ZDHHC23: variants seen among roughly 807,000 people sequenced by gnomAD.
ZDHHC23 encodes palmitoyltransferase ZDHHC23.
A neutral mutation model predicts 40.2 loss-of-function variants in ZDHHC23; 41 were observed. The observed-to-expected ratio is 1.02, with a 90% CI of 0.79 to 1.32. The LOEUF (loss-of-function observed/expected upper bound fraction) is 1.32, where lower values mean the gene tolerates loss of function less well. Among genes scored for constraint, ZDHHC23 ranks in the 40% most tolerant of loss-of-function variants. The pLI, the probability that ZDHHC23 is intolerant of heterozygous loss-of-function variation, is 0.00. For missense variants in ZDHHC23, 471 were observed against 541.5 expected (o/e 0.87, Z 1.29); for synonymous variants, 204 against 210.2 (o/e 0.97, Z 0.26).
At chr3:113,950,531 T>A (rs954677158) in intron 2 of ZDHHC23, among the ~76,000 whole-genome samples, 4 of 152,058 alleles carry the variant, frequency 2.6e-5, no homozygotes, top group Admixed American at 2.6e-4. Flanking sequence ...CCTAATCACC[T>A]CCTTAAGGTC....
In ZDHHC23 at chr3:113,958,685, C is replaced by A; in HGVS notation, c.*55C>A. The A allele has an allele frequency of 1.9e-6, 3 of 1,593,760 alleles. No homozygotes were observed. The highest frequency in any genetic ancestry group is 2.5e-6 in the Non-Finnish European group (3 of 1,177,688). ...GATGGCTCCTCCTTCCGTCTCCCTT[C>A]CATTTTACACTTCAGTGTCCATTTC... On this transcript the variant is annotated 3_prime_UTR_variant, in exon 5 of 5. Coordinates refer to ENST00000638807, the MANE Select transcript of ZDHHC23 (RefSeq NM_001320466.2).
the ZDHHC23 span, among the ~76,000 whole-genome samples, chr3:113,973,541 C>T: frequency 6.6e-6 from 1 of 150,416 alleles, no homozygotes; most frequent in Non-Finnish European, 1.5e-5. Flanking sequence ...AAAACTTTCT[C>T]TATCCTTCAT....
chr3:113,953,831 T>A lies in ZDHHC23; in HGVS notation c.293T>A (p.Leu98Gln). 6.2e-7 allele frequency: 1 copy of A among 1,614,264 alleles called. No homozygotes were observed. Residue 98 changes from leucine to glutamine, a missense_variant, in exon 3 of 5, where the codon CTG becomes CAG. By Grantham distance (113) the Leu-to-Gln change is moderately radical. Coordinates refer to ENST00000638807, the MANE Select transcript of ZDHHC23 (RefSeq NM_001320466.2). ...VNISIIPPLV[L>Q]LPVFLHVASW... ...ATCAGCATCATCCCTCCGCTTGTCC[T>A]GCTGCCTGTCTTCCTTCATGTGGCT...
Position 113,954,061 on chromosome 3 carries a change from A to G in ZDHHC23, c.523A>G (p.Thr175Ala), listed in dbSNP as rs1171415351. 1 of 1,613,946 alleles carries G rather than the reference A, an allele frequency of 6.2e-7. No homozygotes were observed. Among genetic ancestry groups the G allele is most frequent in the Non-Finnish European group, 8.5e-7 (1 of 1,180,018 alleles). ...GGGTCCCGTTCAGCTGGCGGTTCTT[A>G]CCTGCGGGTTATTTCTGATACTCTT... is the stretch of plus-strand genomic sequence containing the variant. Reference protein sequence around the residue: ...RVGPVQLAVLTCGLFLILLAL... With the variant: ...RVGPVQLAVLACGLFLILLAL... The change falls in exon 3 of 5, where the codon ACC (threonine) becomes GCC (alanine). Residue 175 changes from threonine to alanine, a missense_variant. Physicochemically the swap from Thr to Ala is moderately conservative, Grantham distance 58. Around this residue, in one of 3 missense-constraint regions of ZDHHC23, gnomAD observed 346 missense variants for 399.8 expected, o/e 0.87. Transcript: ENST00000638807.
At chr3:113,974,615 G>A in the ZDHHC23 span, among the ~76,000 whole-genome samples, 5 of 152,098 alleles carry the variant, frequency 3.3e-5, no homozygotes, top group African/African-American at 4.8e-5. Context: ...CACCACGCCC[G>A]GCCAACTCGC....
intron 4 of ZDHHC23, among the ~76,000 whole-genome samples, chr3:113,958,091 C>G (rs977714509): frequency 1.3e-5 from 2 of 152,028 alleles, no homozygotes; most frequent in African/African-American, 4.8e-5. Flanking sequence ...AGGCAGCGTG[C>G]TGGGTGTGTG....
chr3:113,950,123 C>G (rs547744284), intron 2 of ZDHHC23, among the ~76,000 whole-genome samples: 6 of 152,142 alleles, frequency 3.9e-5, no homozygotes, highest in African/African-American at 1.4e-4. Context: ...TCTCTGTACC[C>G]CTCTCCTCTG....
At chr3:113,955,698 T>A (rs1413825892) in intron 3 of ZDHHC23, among the ~76,000 whole-genome samples, 1 of 152,220 alleles carries the variant, frequency 6.6e-6, no homozygotes, top group East Asian at 1.9e-4. Context: ...ATAATTCTAT[T>A]TATCTCCCTT....
rs1939637923 is a variant in ZDHHC23 at position 113,960,909 on chromosome 3, T to C, written c.*2279T>C. ...TGGGAAAAGCCTTCCCAGGCGTCTG[T>C]ACCGAAAGGAGCAGCAAACAAGGGG... On this transcript the variant is annotated 3_prime_UTR_variant, in exon 5 of 5. Coordinates refer to ENST00000638807, the MANE Select transcript of ZDHHC23 (RefSeq NM_001320466.2). 1 of 958,802 alleles carries C rather than the reference T, an allele frequency of 1.0e-6. No individual in the cohort carries two copies. Among genetic ancestry groups the C allele is most frequent in the South Asian group, 2.1e-5 (1 of 48,580 alleles). The allele number at this position is 958,802 out of a possible 1,614,324, so 59.4% of individuals were successfully genotyped here.
At position 113,960,728 on chromosome 3, in the gene ZDHHC23, G is replaced by A. The variant is rs771699738; in HGVS notation, c.*2098G>A. The A allele has an allele frequency of 2.5e-6, 4 of 1,586,760 alleles. No individual in the cohort carries two copies. Among genetic ancestry groups the A allele is most frequent in the Non-Finnish European group, 1.7e-6 (2 of 1,170,276 alleles). On this transcript the variant is annotated 3_prime_UTR_variant, in exon 5 of 5. Transcript: ENST00000638807. ...CAACTTACCTCTAATAGGGTTACTT[G>A]GATGAGCCAACTCCGCTTCCTTCCC...
chr3:113,949,891 C>G (rs554272693), intron 2 of ZDHHC23, among the ~76,000 whole-genome samples: 1 of 152,282 alleles, frequency 6.6e-6, no homozygotes, highest in Non-Finnish European at 1.5e-5. Context: ...TGACAGTGTA[C>G]TGTGTAGTCT....
the ZDHHC23 span, among the ~76,000 whole-genome samples, chr3:113,974,920 G>A: frequency 6.6e-6 from 1 of 152,014 alleles, no homozygotes; most frequent in African/African-American, 2.4e-5. Context: ...TGAGCACCAG[G>A]GGCCATGTTA....
intron 3 of ZDHHC23, 61 bp downstream of exon 3, chr3:113,954,471 T>G: frequency 7.0e-7 from 1 of 1,434,454 alleles, no homozygotes; most frequent in South Asian, 1.4e-5. Flanking sequence ...CTAGTTACAT[T>G]TTATCTTCCC....
At chr3:113,956,805 C>A (rs1429850329) in intron 4 of ZDHHC23, among the ~76,000 whole-genome samples, 2 of 152,116 alleles carry the variant, frequency 1.3e-5, no homozygotes, top group Admixed American at 6.5e-5. Flanking sequence ...AAAGTCGCAA[C>A]AGTGAAACAG....
chr3:113,949,042 A>G lies in ZDHHC23; in HGVS notation c.161+79A>G, dbSNP rs186527465. On this transcript the variant is annotated intron_variant, in intron 2 of 4. Coordinates refer to ENST00000638807, the MANE Select transcript of ZDHHC23 (RefSeq NM_001320466.2). Reference sequence around the variant, plus strand: ...ATGTGTACTTTCAACCTAGCCACCCAGAATGCTAGAATTTGCTCTTGATTC... The same window carrying G: ...ATGTGTACTTTCAACCTAGCCACCCGGAATGCTAGAATTTGCTCTTGATTC... The G allele has an allele frequency of 5.1e-4, 792 of 1,546,252 alleles. 4 individuals are homozygous for G. In the African/African-American group the frequency reaches 1.0e-2, roughly 19 times the overall value.
At position 113,959,134 on chromosome 3, in the gene ZDHHC23, A is replaced by G. The variant is rs571833145; in HGVS notation, c.*504A>G. ...AGATGGATGTGGAAAGCACTAAAAA[A>G]CAACTCAAGAGCCATGGAAATACAA... is the stretch of plus-strand genomic sequence containing the variant. On this transcript the variant is annotated 3_prime_UTR_variant, in exon 5 of 5. Transcript: ENST00000638807. The G allele has an allele frequency of 1.2e-4, 130 of 1,043,082 alleles. No homozygotes were observed. The African/African-American group carries it at 1.9e-3, about 15-fold the overall frequency. The allele number at this position is 1,043,082 out of a possible 1,614,324, so 64.6% of individuals were successfully genotyped here.
At chr3:113,976,289 AAAAC>A in the ZDHHC23 span, among the ~76,000 whole-genome samples, 2 of 152,006 alleles carry the variant, frequency 1.3e-5, no homozygotes, top group Admixed American at 6.6e-5. Context: ...ACAAAACACA[AAAAC>A]AAACAAAAAA....
chr3:113,949,082 T>A, intron 2 of ZDHHC23, 119 bp downstream of exon 2: 1 of 1,350,978 alleles, frequency 7.4e-7, no homozygotes, highest in Non-Finnish European at 1.0e-6. Flanking sequence ...TCCAAGCATC[T>A]AAAATGAGAG....
chr3:113,959,419 G>T lies in ZDHHC23; in HGVS notation c.*789G>T. The T allele has an allele frequency of 1.6e-6, 2 of 1,218,566 alleles. No individual in the cohort carries two copies. Among genetic ancestry groups the T allele is most frequent in the Non-Finnish European group, 2.1e-6 (2 of 938,802 alleles). The allele number at this position is 1,218,566 out of a possible 1,614,324, so 75.5% of individuals were successfully genotyped here. ...TAATGTAGTGTGGCCATGAGTTTAG[G>T]TGATGAGTTCTTCTATTTATATTTT... On this transcript the variant is annotated 3_prime_UTR_variant, in exon 5 of 5. Coordinates refer to ENST00000638807, the MANE Select transcript of ZDHHC23 (RefSeq NM_001320466.2).
Sources: allele counts gnomAD v4.1 joint callset (sites outside exome capture counted in the v4.1 genomes callset), GRCh38; gene constraint gnomAD v4.1.1; regional missense constraint gnomAD v4.1.1; transcripts MANE v1.5; gene names NCBI Gene and HGNC (gene_info 2026-07-23, HGNC 2026-07-21).